Variants in AHCYL2 observed in about 807,000 individuals in gnomAD.
AHCYL2 encodes adenosylhomocysteinase like 2, also known as S-adenosylhomocysteine hydrolase-like protein 2.
In AHCYL2, 28 loss-of-function variants were observed where a neutral mutation model predicts 81.4. The observed-to-expected ratio is 0.34, with a 90% confidence interval of 0.25 to 0.47. The LOEUF (loss-of-function observed/expected upper bound fraction) is 0.47. Among genes scored for constraint, AHCYL2 ranks in the 20% least tolerant of loss-of-function variants. The pLI, the probability that AHCYL2 is intolerant of heterozygous loss-of-function variation, is 1.00. For missense variants in AHCYL2, 551 were observed against 785.1 expected (o/e 0.70, Z 3.56); for synonymous variants, 272 against 290.2 (o/e 0.94, Z 0.64).
chr7:129,247,171 A>G (rs955697422), intron 1 of AHCYL2, among the ~76,000 whole-genome samples: 1 of 152,226 alleles, frequency 6.6e-6, no homozygotes, highest in Non-Finnish European at 1.5e-5. Context: ...AAGCGATTGT[A>G]TGATGTTAGA....
At chr7:129,301,737 A>G (rs966272241) in intron 1 of AHCYL2, among the ~76,000 whole-genome samples, 29 of 152,330 alleles carry the variant, frequency 1.9e-4, no homozygotes, top group African/African-American at 5.5e-4. Flanking sequence ...TTTTTATGCC[A>G]GTACCATGCT....
intron 1 of AHCYL2, among the ~76,000 whole-genome samples, chr7:129,260,629 G>A (rs1212156542): frequency 6.6e-6 from 1 of 152,030 alleles, no homozygotes; most frequent in Non-Finnish European, 1.5e-5. Context: ...AATTCTCAGG[G>A]TGTTGCTTGA....
chr7:129,266,385 G>A (rs1795811295), intron 1 of AHCYL2, among the ~76,000 whole-genome samples: 2 of 152,178 alleles, frequency 1.3e-5, no homozygotes, highest in South Asian at 4.1e-4. Flanking sequence ...CTTGGGGCTG[G>A]GCGTGGTGGC....
At chr7:129,376,034 T>C in intron 1 of AHCYL2, 1 of 1,397,470 alleles carries the variant, frequency 7.2e-7, no homozygotes, top group African/African-American at 1.4e-5. Flanking sequence ...CATCCCTCCC[T>C]CTGGCATAAG....
intron 5 of AHCYL2, among the ~76,000 whole-genome samples, chr7:129,400,008 G>A (rs1795951810): frequency 6.6e-6 from 1 of 152,134 alleles, no homozygotes; most frequent in Admixed American, 6.6e-5. Flanking sequence ...TTTCAGGAGT[G>A]AGCCACCGCA....
intron 1 of AHCYL2, among the ~76,000 whole-genome samples, chr7:129,349,651 C>CA (rs34969591): frequency 0.62 from 53,325 of 86,070 alleles, 16,956 homozygotes; most frequent in Non-Finnish European, 0.71. Context: ...GACTCTGTTT[C>CA]AAAAAAAAAA....
chr7:129,339,849 G>T (rs948852508), intron 1 of AHCYL2, among the ~76,000 whole-genome samples: 3 of 145,024 alleles, frequency 2.1e-5, no homozygotes, highest in Non-Finnish European at 4.5e-5. Flanking sequence ...TTTTCTTTTA[G>T]AATTTTGAAG....
At chr7:129,254,066 A>T (rs931393471) in intron 1 of AHCYL2, among the ~76,000 whole-genome samples, 6 of 152,198 alleles carry the variant, frequency 3.9e-5, no homozygotes, top group African/African-American at 1.4e-4. Flanking sequence ...ATAAGAATTC[A>T]AGTTCAGTTT....
intron 1 of AHCYL2, among the ~76,000 whole-genome samples, chr7:129,350,714 C>CTTTTTTTTTTTTT (rs56115169): frequency 8.2e-6 from 1 of 122,148 alleles, no homozygotes; most frequent in African/African-American, 3.0e-5. Flanking sequence ...TTCTTTCTTT[C>CTTTTTTTTTTTTT]TTTTTTTTTT....
chr7:129,424,240 A>T (rs1484525523), intron 13 of AHCYL2, among the ~76,000 whole-genome samples: 1 of 152,118 alleles, frequency 6.6e-6, no homozygotes, highest in Non-Finnish European at 1.5e-5. Flanking sequence ...AAAAAAAAAA[A>T]AATACAAAAG....
At chr7:129,243,018 CTTTTTT>C (rs769701638) in intron 1 of AHCYL2, among the ~76,000 whole-genome samples, 1 of 125,592 alleles carries the variant, frequency 8.0e-6, no homozygotes. Context: ...TATTGTTTCT[CTTTTTT>C]TTTTTTTTTT....
intron 13 of AHCYL2, among the ~76,000 whole-genome samples, chr7:129,423,628 C>T (rs765999917): frequency 1.1e-4 from 16 of 152,032 alleles, no homozygotes; most frequent in Non-Finnish European, 1.9e-4. Context: ...GAGAAAGATA[C>T]CAAAATATCA....
chr7:129,414,202 C>T (rs1433499701), intron 12 of AHCYL2, among the ~76,000 whole-genome samples: 1 of 152,088 alleles, frequency 6.6e-6, no homozygotes, highest in African/African-American at 2.4e-5. Flanking sequence ...TTTTATTGGG[C>T]GAGGTCACCC....
At chr7:129,293,070 C>T (rs1796924333) in intron 1 of AHCYL2, among the ~76,000 whole-genome samples, 1 of 152,130 alleles carries the variant, frequency 6.6e-6, no homozygotes, top group Non-Finnish European at 1.5e-5. Context: ...CCACCTCTGC[C>T]TCCTGAGTAG....
intron 4 of AHCYL2, among the ~76,000 whole-genome samples, chr7:129,390,284 C>G (rs927189553): frequency 6.6e-6 from 1 of 152,070 alleles, no homozygotes; most frequent in Non-Finnish European, 1.5e-5. Flanking sequence ...TATAAATAAC[C>G]TAGAGATGCT....
chr7:129,381,258 A>G (rs1794942029), intron 2 of AHCYL2, among the ~76,000 whole-genome samples: 1 of 152,136 alleles, frequency 6.6e-6, no homozygotes, highest in Non-Finnish European at 1.5e-5. Flanking sequence ...CTAGATATAC[A>G]TATCCAACTA....
intron 1 of AHCYL2, among the ~76,000 whole-genome samples, chr7:129,332,553 A>G (rs1177096831): frequency 1.3e-5 from 2 of 152,234 alleles, no homozygotes; most frequent in African/African-American, 4.8e-5. Flanking sequence ...AACAGGATTC[A>G]GAAGCCAGAA....
chr7:129,287,874 G>A (rs1796692080), intron 1 of AHCYL2, among the ~76,000 whole-genome samples: 1 of 152,128 alleles, frequency 6.6e-6, no homozygotes, highest in Non-Finnish European at 1.5e-5. Flanking sequence ...CAACAATTGT[G>A]AATTCATGGC....
At chr7:129,335,296 T>C (rs1040777714) in intron 1 of AHCYL2, among the ~76,000 whole-genome samples, 2 of 151,208 alleles carry the variant, frequency 1.3e-5, no homozygotes, top group African/African-American at 4.9e-5. Context: ...TCACTTGAGC[T>C]CAGGAGTTCA....
Sources: gnomAD v4.1 joint callset for allele counts (sites outside exome capture counted in the v4.1 genomes callset) on GRCh38, gnomAD v4.1.1 for gene constraint, MANE v1.5 for transcripts, NCBI Gene and HGNC (gene_info 2026-07-23, HGNC 2026-07-21) for gene names.